KIRREL3: variants seen among roughly 807,000 people sequenced by gnomAD.
KIRREL3 encodes the protein kirre like nephrin family adhesion molecule 3.
KIRREL3 carries 36 observed loss-of-function variants against 89.7 expected under a neutral mutation model. The observed-to-expected ratio is 0.40, with a 90% CI of 0.31 to 0.53. The LOEUF is 0.53. Among genes scored for constraint, KIRREL3 ranks in the 20% least tolerant of loss-of-function variants. The pLI, the probability that KIRREL3 is intolerant of heterozygous loss-of-function variation, is 0.49. For synonymous variants in KIRREL3, 445 were observed against 441.4 expected, an observed-to-expected ratio of 1.01 and a Z score of -0.10; for missense variants, 864 against 1,056.6, an observed-to-expected ratio of 0.82 and a Z score of 2.53.
At chr11:126,701,724 C>T (rs781331054) in intron 1 of KIRREL3, among the ~76,000 whole-genome samples, 14 of 152,122 alleles carry the variant, frequency 9.2e-5, no homozygotes, top group East Asian at 1.9e-4. Flanking sequence ...AGCACCTGGG[C>T]GGAGTTCTGG....
chr11:126,713,146 C>T (rs903275600), intron 1 of KIRREL3, among the ~76,000 whole-genome samples: 9 of 152,110 alleles, frequency 5.9e-5, no homozygotes, highest in Non-Finnish European at 4.4e-5. Context: ...TAACCAAGAG[C>T]GGAGGAGTTG....
At chr11:126,815,831 G>A (rs558612244) in intron 1 of KIRREL3, among the ~76,000 whole-genome samples, 11 of 152,234 alleles carry the variant, frequency 7.2e-5, no homozygotes, top group African/African-American at 1.7e-4. Flanking sequence ...TGCTGTGCCC[G>A]GCCGAGCTAT....
chr11:126,907,917 T>C (rs1304478269), intron 1 of KIRREL3, among the ~76,000 whole-genome samples: 4 of 152,162 alleles, frequency 2.6e-5, no homozygotes, highest in African/African-American at 9.7e-5. Flanking sequence ...GCTCTTCCCC[T>C]GGGATCTGCG....
chr11:126,486,174 C>T lies in KIRREL3; in HGVS notation c.434-12708G>A, dbSNP rs182473710. ...GAGAAGGGAGCTGCAGTGATTTGCACTCAAGCAGACCAGTGTGCCTGTGCC... is the reference window on the plus strand; with the variant it reads ...GAGAAGGGAGCTGCAGTGATTTGCATTCAAGCAGACCAGTGTGCCTGTGCC... On this transcript the variant is annotated intron_variant, in intron 4 of 16. Coordinates refer to ENST00000525144, the MANE Select transcript of KIRREL3 (RefSeq NM_032531.4). This position sits in a 1 kb window ranked among gnomAD's most constrained non-coding sequence, Gnocchi z 6.2. Among the ~76,000 whole-genome samples the T allele has an allele frequency of 1.3e-3, 202 of 152,208 alleles. No homozygotes were observed. The highest frequency in any genetic ancestry group is 4.0e-3 in the African/African-American group (168 of 41,530).
chr11:126,887,825 C>A (rs552844105), intron 1 of KIRREL3, among the ~76,000 whole-genome samples: 1 of 152,280 alleles, frequency 6.6e-6, no homozygotes, highest in Non-Finnish European at 1.5e-5. Flanking sequence ...TGAAGATAGG[C>A]GTAACCTTCA....
intron 1 of KIRREL3, among the ~76,000 whole-genome samples, chr11:126,781,893 G>C (rs1016941782): frequency 6.6e-6 from 1 of 152,178 alleles, no homozygotes; most frequent in Non-Finnish European, 1.5e-5. Flanking sequence ...CAAAGGTGGG[G>C]TTGCTGAAAA....
At chr11:126,451,292 G>GTC in intron 7 of KIRREL3, among the ~76,000 whole-genome samples, 1 of 150,312 alleles carries the variant, frequency 6.7e-6, no homozygotes, top group South Asian at 2.1e-4. Context: ...GTGCGTGTGT[G>GTC]CATGTGTGCA....
rs1193291870 is a variant in KIRREL3, at chr11:126,780,331, A to G, written c.56-217419T>C. ...GCACAGGAGAGAGCCTTAGCTTTTT[A>G]CTGAATGTAATTAATGACATTGTGG... On this transcript the variant is annotated intron_variant, in intron 1 of 16. Transcript: ENST00000525144. The surrounding 1 kb of genome is among the most constrained non-coding windows in gnomAD (Gnocchi z 5.3). Among the ~76,000 whole-genome samples, 1 of 152,206 alleles carries G rather than the reference A, an allele frequency of 6.6e-6. No individual in the cohort carries two copies. Among genetic ancestry groups the G allele is most frequent in the East Asian group, 1.9e-4 (1 of 5,188 alleles).
chr11:126,458,569 C>T (rs1202915500), intron 6 of KIRREL3, among the ~76,000 whole-genome samples: 1 of 152,196 alleles, frequency 6.6e-6, no homozygotes, highest in Admixed American at 6.5e-5. Context: ...TGAGAGATGG[C>T]CCCAGGGCTG....
chr11:126,827,942 A>G (rs1223437964), intron 1 of KIRREL3, among the ~76,000 whole-genome samples: 2 of 152,162 alleles, frequency 1.3e-5, no homozygotes, highest in Non-Finnish European at 2.9e-5. Flanking sequence ...TGGAATTAGA[A>G]TGACTTGGAT....
rs1189097145 is a variant in KIRREL3 at position 126,537,732 on chromosome 11, G to A, written c.134-11045C>T. On this transcript the variant is annotated intron_variant, in intron 2 of 16. Transcript: ENST00000525144. The surrounding 1 kb of genome is among the most constrained non-coding windows in gnomAD (Gnocchi z 4.3). ...CCTATCTGAAAAATGGGGATGACAC[G>A]CCTCCCTGGCAAAGCTGCTGTGAGC... 6.6e-6 allele frequency among the ~76,000 whole-genome samples: 1 copy of A among 152,202 alleles called. No homozygotes were observed. Among genetic ancestry groups the A allele is most frequent in the African/African-American group, 2.4e-5 (1 of 41,448 alleles).
intron 8 of KIRREL3, among the ~76,000 whole-genome samples, chr11:126,447,146 G>A (rs1484634488): frequency 6.6e-6 from 1 of 152,234 alleles, no homozygotes; most frequent in East Asian, 1.9e-4. Context: ...TCGGCAGCGT[G>A]GGGCCTGGGA....
rs574501906 is a variant in KIRREL3, at chr11:126,668,314, G to A, written c.56-105402C>T. On this transcript the variant is annotated intron_variant, in intron 1 of 16. Coordinates refer to ENST00000525144, the MANE Select transcript of KIRREL3 (RefSeq NM_032531.4). The surrounding 1 kb of genome is among the most constrained non-coding windows in gnomAD (Gnocchi z 4.4). ...GGCACTAATCCCATTCATGAACTCC[G>A]TTTTCATGACCTAATCACCTCCCAA... is the stretch of plus-strand genomic sequence containing the variant. Among the ~76,000 whole-genome samples the A allele has an allele frequency of 3.4e-4, 52 of 152,100 alleles. No individual in the cohort carries two copies. The highest frequency in any genetic ancestry group is 6.6e-4 in the Non-Finnish European group (45 of 68,026).
Position 126,521,563 on chromosome 11 carries a change from AC to A in KIRREL3, c.284-100del. The A allele has an allele frequency of 9.2e-7, 1 of 1,085,938 alleles. No homozygotes were observed. The highest frequency in any genetic ancestry group is 1.3e-6 in the Non-Finnish European group (1 of 758,928). 67.3% of individuals were successfully genotyped at this position (1,085,938 alleles called of 1,614,324 possible). On this transcript the variant is annotated intron_variant, in intron 3 of 16. Transcript: ENST00000525144. The surrounding 1 kb of genome is among the most constrained non-coding windows in gnomAD (Gnocchi z 4.1). Reference sequence around the variant, plus strand: ...GGAGGACCCAAGCAGGGGCCATTCTACAAGGCTGGCAGAGCGGGTGATTGCT... The same window carrying A: ...GGAGGACCCAAGCAGGGGCCATTCTAAAGGCTGGCAGAGCGGGTGATTGCT...
rs1320757657 is a variant in KIRREL3, at chr11:126,978,706, G to T, written c.55+21749C>A. On this transcript the variant is annotated intron_variant, in intron 1 of 16. Coordinates refer to ENST00000525144, the MANE Select transcript of KIRREL3 (RefSeq NM_032531.4). The surrounding 1 kb of genome is among the most constrained non-coding windows in gnomAD (Gnocchi z 4.2). ...CATTTTCTTAGCTAATGTCCACTCT[G>T]CCCTGGAGCTTTGCTTCATGGTGGG... Among the ~76,000 whole-genome samples, 1 of 152,108 alleles carries T rather than the reference G, an allele frequency of 6.6e-6. No homozygotes were observed. Among genetic ancestry groups the T allele is most frequent in the Admixed American group, 6.6e-5 (1 of 15,252 alleles).
rs1360193063 is a variant in KIRREL3 at position 126,669,427 on chromosome 11, T to A, written c.56-106515A>T. Reference sequence around the variant, plus strand: ...TTAATCCCATGTATTTTTAACCCACTAACATAATCCCCAATGTTTCCATGT... The same window carrying A: ...TTAATCCCATGTATTTTTAACCCACAAACATAATCCCCAATGTTTCCATGT... On this transcript the variant is annotated intron_variant, in intron 1 of 16. Coordinates refer to ENST00000525144, the MANE Select transcript of KIRREL3 (RefSeq NM_032531.4). The surrounding 1 kb of genome is among the most constrained non-coding windows in gnomAD (Gnocchi z 5.0). Among the ~76,000 whole-genome samples, 1 of 152,246 alleles carries A rather than the reference T, an allele frequency of 6.6e-6. No individual in the cohort carries two copies. Among genetic ancestry groups the A allele is most frequent in the Non-Finnish European group, 1.5e-5 (1 of 68,032 alleles).
rs1958757282 is a variant in KIRREL3 at position 126,526,477 on chromosome 11, G to A, written c.283+61C>T. ...GAAGATGGGTGCTCCCTAGGAAGGT[G>A]GATGGGTGAGTAAGGAAGTGATGGC... is the stretch of plus-strand genomic sequence containing the variant. On this transcript the variant is annotated intron_variant, in intron 3 of 16. Coordinates refer to ENST00000525144, the MANE Select transcript of KIRREL3 (RefSeq NM_032531.4). This position sits in a 1 kb window ranked among gnomAD's most constrained non-coding sequence, Gnocchi z 5.7. 8.5e-6 allele frequency: 13 copies of A among 1,521,730 alleles called. No homozygotes were observed. Among genetic ancestry groups the A allele is most frequent in the African/African-American group, 2.7e-5 (2 of 73,102 alleles). The allele number at this position is 1,521,730 out of a possible 1,614,324, so 94.3% of individuals were successfully genotyped here.
intron 1 of KIRREL3, among the ~76,000 whole-genome samples, chr11:126,942,647 C>A (rs1361302641): frequency 6.6e-6 from 1 of 152,158 alleles, no homozygotes. Flanking sequence ...TGCTGGATGG[C>A]GTTTTGAATA....
intron 5 of KIRREL3, among the ~76,000 whole-genome samples, chr11:126,470,677 C>A (rs1267829860): frequency 6.6e-6 from 1 of 152,196 alleles, no homozygotes; most frequent in East Asian, 1.9e-4. Context: ...AACCCTCAGA[C>A]CTGAGGCGAG....
Sources: allele counts gnomAD v4.1 joint callset (sites outside exome capture counted in the v4.1 genomes callset), GRCh38; gene constraint gnomAD v4.1.1; non-coding constraint Gnocchi (gnomAD v3.1); transcripts MANE v1.5; gene names NCBI Gene and HGNC (gene_info 2026-07-23, HGNC 2026-07-21).